The following COL22A1 variants were observed in gnomAD, a reference collection of about 807,000 sequenced individuals.
COL22A1 encodes the protein collagen alpha-1(XXII) chain.
Under a neutral mutation model 248.9 loss-of-function variants are expected in COL22A1, and 221 were observed. The ratio of observed to expected loss-of-function variants is 0.89; its 90% confidence interval spans 0.80 to 0.99. COL22A1 has a LOEUF of 0.99. Among genes scored for constraint, COL22A1 ranks in the 50% least tolerant of loss-of-function variants. COL22A1 has a pLI of 0.00. For synonymous variants in COL22A1, 891 were observed against 793.4 expected (o/e 1.12, Z -2.07); for missense variants, 2,240 against 2,179.0 (o/e 1.03, Z -0.56).
Position 138,616,030 on chromosome 8 carries a change from G to A in COL22A1, c.3895C>T (p.Pro1299Ser). The stretch of plus-strand genomic sequence containing the variant: ...TTTCCTGGTAACCCTTCCTGACCAG[G>A]AAGCCCCATGGCACCAGACTCTCCC... ...PRGESGAMGLPGQEGLPGKDG... is the reference protein window; with the variant it reads ...PRGESGAMGLSGQEGLPGKDG... Residue 1299 changes from proline (P) to serine (S), a missense_variant, in exon 55 of 65, where the codon CCT becomes TCT. Transcript: ENST00000303045. 6.2e-7 allele frequency: 1 copy of A among 1,613,582 alleles called. No homozygotes were observed. Among genetic ancestry groups the A allele is most frequent in the South Asian group, 1.1e-5 (1 of 91,050 alleles).
chr8:138,812,874 T>A, intron 8 of COL22A1, 65 bp downstream of exon 8: 1 of 1,221,330 alleles, frequency 8.2e-7, no homozygotes, highest in Non-Finnish European at 1.2e-6. Flanking sequence ...AGCTCTGGAT[T>A]CCCCTTCCCT....
At position 138,617,017 on chromosome 8, in the gene COL22A1, G is replaced by A. The variant is rs1819388244; in HGVS notation, c.3826-59C>T. 4.4e-6 allele frequency: 7 copies of A among 1,589,428 alleles called. No homozygotes were observed. The South Asian group carries it at 5.5e-5, about 13-fold the overall frequency. ...GAGCAGGCTCTTGGGGCAGAAGTGG[G>A]CAGGCATACCTCCCTGCCGGCTTTG... On this transcript the variant is annotated intron_variant, in intron 53 of 64. Transcript: ENST00000303045.
intron 3 of COL22A1, 57 bp downstream of exon 3, chr8:138,877,693 G>C: frequency 6.7e-7 from 1 of 1,482,230 alleles, no homozygotes; most frequent in Non-Finnish European, 9.0e-7. Context: ...CCCTCCCGTG[G>C]GCTCAGCAGG....
At chr8:138,700,295 C>A in intron 31 of COL22A1, 151 bp from the exon 32 acceptor site, 1 of 742,516 alleles carries the variant, frequency 1.3e-6, no homozygotes. Flanking sequence ...AGATTCACAT[C>A]TTTCTTTAAA....
At chr8:138,909,048 G>T (rs1815234204) in intron 1 of COL22A1, among the ~76,000 whole-genome samples, 1 of 152,210 alleles carries the variant, frequency 6.6e-6, no homozygotes, top group Non-Finnish European at 1.5e-5. Context: ...TAGACGTACT[G>T]CAGCCTGCAG....
At chr8:138,616,982 T>C (rs751494239) in intron 53 of COL22A1, 24 bp from the exon 54 acceptor site, 2 of 1,614,046 alleles carry the variant, frequency 1.2e-6, no homozygotes, top group Non-Finnish European at 1.7e-6. Context: ...AATGGAGTTA[T>C]TCCATGATAG....
At chr8:138,749,501 G>C (rs1294689671) in intron 22 of COL22A1, among the ~76,000 whole-genome samples, 1 of 152,202 alleles carries the variant, frequency 6.6e-6, no homozygotes, top group African/African-American at 2.4e-5. Flanking sequence ...AAAGATTGTT[G>C]TTTTCTCTTA....
At chr8:138,663,162 T>C (rs563932677) in intron 42 of COL22A1, among the ~76,000 whole-genome samples, 1 of 152,338 alleles carries the variant, frequency 6.6e-6, no homozygotes, top group South Asian at 2.1e-4. Flanking sequence ...GGTGAATTTA[T>C]AGGAAATCGC....
At chr8:138,663,967 A>T (rs1318738329) in intron 41 of COL22A1, among the ~76,000 whole-genome samples, 1 of 151,644 alleles carries the variant, frequency 6.6e-6, no homozygotes, top group African/African-American at 2.4e-5. Flanking sequence ...AACTGATGCC[A>T]CCCTATCATC....
chr8:138,774,184 A>G (rs1264540361), intron 16 of COL22A1, among the ~76,000 whole-genome samples: 1 of 152,140 alleles, frequency 6.6e-6, no homozygotes, highest in Non-Finnish European at 1.5e-5. Flanking sequence ...TTAAAATTTA[A>G]TATACAAACA....
intron 12 of COL22A1, among the ~76,000 whole-genome samples, chr8:138,789,631 A>G (rs750695219): frequency 1.3e-5 from 2 of 152,246 alleles, no homozygotes; most frequent in Non-Finnish European, 2.9e-5. Context: ...TTGAGGGTCA[A>G]TAATTCCCAG....
At chr8:138,759,563 CCTT>C (rs1398936720) in intron 18 of COL22A1, among the ~76,000 whole-genome samples, 1 of 152,208 alleles carries the variant, frequency 6.6e-6, no homozygotes, top group Non-Finnish European at 1.5e-5. Context: ...CAACATCACA[CCTT>C]CTCTTTTTCC....
rs564020102 is a variant in COL22A1 at position 138,889,522 on chromosome 8, A to G, written c.-72-6278T>C. ...GATGGGAATTGAACAATGAGAACAC[A>G]TGGACACAGGAAGGGGAACATCACA... On this transcript the variant is annotated intron_variant, in intron 1 of 64. Coordinates refer to ENST00000303045, the MANE Select transcript of COL22A1 (RefSeq NM_152888.3). 7.2e-5 allele frequency among the ~76,000 whole-genome samples: 11 copies of G among 152,098 alleles called. No homozygotes were observed. In the South Asian group the frequency reaches 2.3e-3, roughly 32 times the overall value.
rs980470154 is a variant in COL22A1 at position 138,725,318 on chromosome 8, G to A, written c.2193+69C>T. ...AAGACAAGAGGCCATTCACAAAGAT[G>A]TCCCCAGGTCCCACAGGCCAGGAAA... On this transcript the variant is annotated intron_variant, in intron 24 of 64. Coordinates refer to ENST00000303045, the MANE Select transcript of COL22A1 (RefSeq NM_152888.3). 6 of 1,474,012 alleles carry A rather than the reference G, an allele frequency of 4.1e-6. No homozygotes were observed. The East Asian group carries it at 6.8e-5, about 17-fold the overall frequency. The allele number at this position is 1,474,012 out of a possible 1,614,324, so 91.3% of individuals were successfully genotyped here.
chr8:138,837,781 T>C (rs1478130896), intron 4 of COL22A1, among the ~76,000 whole-genome samples: 1 of 152,082 alleles, frequency 6.6e-6, no homozygotes. Context: ...GTGCCTAAAG[T>C]GTACAGTCTG....
intron 2 of COL22A1, among the ~76,000 whole-genome samples, chr8:138,880,988 G>A (rs1032390986): frequency 2.0e-5 from 3 of 152,254 alleles, no homozygotes; most frequent in Non-Finnish European, 4.4e-5. Context: ...TGAGGCTGGA[G>A]TGTGATGTGG....
chr8:138,800,499 A>T (rs562531623), intron 11 of COL22A1, among the ~76,000 whole-genome samples: 1 of 152,298 alleles, frequency 6.6e-6, no homozygotes, highest in African/African-American at 2.4e-5. Context: ...TATCTGTCTC[A>T]CAAATGTGAA....
chr8:138,629,239 C>T (rs181364598), intron 50 of COL22A1, among the ~76,000 whole-genome samples: 28 of 152,304 alleles, frequency 1.8e-4, no homozygotes, highest in African/African-American at 6.7e-4. Context: ...TCCCTGCAGT[C>T]TCTGCCTCCC....
chr8:138,893,214 C>T (rs564049988), intron 1 of COL22A1, among the ~76,000 whole-genome samples: 235 of 152,338 alleles, frequency 1.5e-3, no homozygotes, highest in African/African-American at 5.5e-3. Flanking sequence ...TGAGTACTTT[C>T]TACATGCCAG....
Sources: gnomAD v4.1 joint callset for allele counts (sites outside exome capture counted in the v4.1 genomes callset) on GRCh38, gnomAD v4.1.1 for gene constraint, MANE v1.5 for transcripts, NCBI Gene and HGNC (gene_info 2026-07-23, HGNC 2026-07-21) for gene names.